Variants in MAX observed in about 807,000 individuals in gnomAD.
MAX encodes protein max.
MAX carries 3 observed loss-of-function variants against 22.3 expected under a neutral mutation model. The observed-to-expected ratio is 0.13, with a 90% CI of 0.06 to 0.35. MAX has a LOEUF of 0.35. Ranked by LOEUF, MAX falls within the 10% of genes least tolerant of loss-of-function variation. The pLI is 1.00. For missense variants in MAX, 119 were observed against 209.4 expected (o/e 0.57, Z 2.66); for synonymous variants, 72 against 77.7 (o/e 0.93, Z 0.39).
chr14:65,052,364 A>G (rs2062635576), intron 3 of MAX, among the ~76,000 whole-genome samples: 1 of 152,308 alleles, frequency 6.6e-6, no homozygotes, highest in Admixed American at 6.5e-5. Context: ...CCATTTACCA[A>G]TTGTTGGGCA....
In MAX at chr14:65,011,233, G is replaced by A. The variant is rs540529007; in HGVS notation, c.172-4949C>T. Among the ~76,000 whole-genome samples, 1 of 152,248 alleles carries A rather than the reference G, an allele frequency of 6.6e-6. No individual in the cohort carries two copies. The highest frequency in any genetic ancestry group is 2.4e-5 in the African/African-American group (1 of 41,538). On this transcript the variant is annotated intron_variant, in intron 3 of 3. Transcript: ENST00000341653. This position sits in a 1 kb window ranked among gnomAD's most constrained non-coding sequence, Gnocchi z 4.0. ...ACCTGAGGTCAGGAGTTCAAGACCA[G>A]CCTGGGCAACATGGTGAAACCCCCG...
intron 3 of MAX, among the ~76,000 whole-genome samples, chr14:65,010,933 A>T (rs2061673839): frequency 6.6e-6 from 1 of 151,978 alleles, no homozygotes; most frequent in Admixed American, 6.6e-5. Flanking sequence ...TTGAATTAAA[A>T]TTTTCTCCTT....
downstream of MAX, among the ~76,000 whole-genome samples, chr14:65,074,876 G>A (rs190902144): frequency 1.9e-4 from 29 of 152,304 alleles, no homozygotes; most frequent in East Asian, 4.4e-3. Flanking sequence ...TGTTGCCACA[G>A]CTAAGGCTAC....
chr14:65,095,435 G>A (rs2063635324), intron 2 of MAX, among the ~76,000 whole-genome samples: 1 of 152,198 alleles, frequency 6.6e-6, no homozygotes, highest in Non-Finnish European at 1.5e-5. Context: ...GTAGAGGTAG[G>A]TACTCTGTAT....
rs760656680 is a variant in MAX, at chr14:65,077,565, A to G, written c.295+348T>C. On this transcript the variant is annotated intron_variant, in intron 4 of 4. Coordinates refer to ENST00000358664, the MANE Select transcript of MAX (RefSeq NM_002382.5). The surrounding 1 kb of genome is among the most constrained non-coding windows in gnomAD (Gnocchi z 6.3). ...CACCTGGAGTCTCTGGTACTTACAC[A>G]GCACATTCCACTCCAAGGACCTCAA... is the stretch of plus-strand genomic sequence containing the variant. The G allele has an allele frequency of 3.3e-6, 3 of 919,838 alleles. No individual in the cohort carries two copies. Among genetic ancestry groups the G allele is most frequent in the Non-Finnish European group, 5.4e-6 (3 of 555,404 alleles). 57.0% of individuals were successfully genotyped at this position (919,838 alleles called of 1,614,324 possible).
chr14:65,015,707 T>C lies in MAX; in HGVS notation c.172-9423A>G, dbSNP rs750753585. On this transcript the variant is annotated intron_variant, in intron 3 of 3. Transcript: ENST00000341653. ...CTAGATGAACCCATCCCCCAGATAG[T>C]GGCTACAGAGTGAGTCTGTCTTTGG... 4.9e-5 allele frequency: 79 copies of C among 1,614,058 alleles called. No homozygotes were observed. In the East Asian group the frequency reaches 1.8e-3, roughly 36 times the overall value.
intron 2 of MAX, among the ~76,000 whole-genome samples, chr14:65,094,959 G>A (rs1314372215): frequency 6.6e-6 from 1 of 152,116 alleles, no homozygotes; most frequent in Non-Finnish European, 1.5e-5. Context: ...TACAAACAGA[G>A]GGCCAGAAAT....
At position 65,054,705 on chromosome 14, in the gene MAX, G is replaced by C. The variant is rs758790306; in HGVS notation, c.171+39003C>G. On this transcript the variant is annotated intron_variant, in intron 3 of 3. Coordinates refer to the MAX transcript ENST00000341653. The surrounding 1 kb of genome is among the most constrained non-coding windows in gnomAD (Gnocchi z 4.4). Reference sequence around the variant, plus strand: ...AAACGCTCTGGTAAGACGGGTGCAGGGCTTCACACCCCTTCTCCACAGGGA... The same window carrying C: ...AAACGCTCTGGTAAGACGGGTGCAGCGCTTCACACCCCTTCTCCACAGGGA... 2 of 1,594,660 alleles carry C rather than the reference G, an allele frequency of 1.3e-6. No homozygotes were observed. The highest frequency in any genetic ancestry group is 2.7e-5 in the African/African-American group (2 of 74,336).
chr14:65,044,174 AG>A lies in MAX; in HGVS notation c.172-37891del. ...TGTGGGGAGGGAAGGAAAGAAAACC[AG>A]AGCACCAAAACTAGAGTGCCAAGAA... On this transcript the variant is annotated intron_variant, in intron 3 of 3. Transcript: ENST00000341653. The surrounding 1 kb of genome is among the most constrained non-coding windows in gnomAD (Gnocchi z 5.5). 6.8e-7 allele frequency: 1 copy of A among 1,474,050 alleles called. No homozygotes were observed. Among genetic ancestry groups the A allele is most frequent in the Non-Finnish European group, 9.3e-7 (1 of 1,075,226 alleles). The allele number at this position is 1,474,050 out of a possible 1,614,324, so 91.3% of individuals were successfully genotyped here.
chr14:65,089,131 G>A lies in MAX; in HGVS notation c.171+4577C>T, dbSNP rs192758256. On this transcript the variant is annotated intron_variant, in intron 3 of 4. Transcript: ENST00000358664. Reference sequence around the variant, plus strand: ...CTTTTAACCTCTACAGCACTCACAAGGTCTTACTTATATAGTTGAGCACAT... The same window carrying A: ...CTTTTAACCTCTACAGCACTCACAAAGTCTTACTTATATAGTTGAGCACAT... 7.2e-4 allele frequency among the ~76,000 whole-genome samples: 109 copies of A among 152,250 alleles called. 1 individual carries two copies. The highest frequency in any genetic ancestry group is 9.1e-4 in the Non-Finnish European group (62 of 67,998).
Position 65,069,105 on chromosome 14 carries a change from C to G in MAX, c.171+24603G>C, listed in dbSNP as rs1595120011. Among the ~76,000 whole-genome samples, 1 of 152,280 alleles carries G rather than the reference C, an allele frequency of 6.6e-6. No individual in the cohort carries two copies. The highest frequency in any genetic ancestry group is 1.9e-4 in the East Asian group (1 of 5,186). On this transcript the variant is annotated intron_variant, in intron 3 of 3. Coordinates refer to the MAX transcript ENST00000341653. The surrounding 1 kb of genome is among the most constrained non-coding windows in gnomAD (Gnocchi z 4.6). ...GTCCATGCTCCTTGCGAGGCTCCAT[C>G]CCCCCAGCCCCTCTCCTCACTCTCT...
rs2061691262 is a variant in MAX, at chr14:65,012,021, T to C, written c.172-5737A>G. 6.6e-6 allele frequency among the ~76,000 whole-genome samples: 1 copy of C among 152,214 alleles called. No homozygotes were observed. Among genetic ancestry groups the C allele is most frequent in the African/African-American group, 2.4e-5 (1 of 41,464 alleles). On this transcript the variant is annotated intron_variant, in intron 3 of 3. Transcript: ENST00000341653. This position sits in a 1 kb window ranked among gnomAD's most constrained non-coding sequence, Gnocchi z 5.0. ...TCTGGGTGGACTGTCATTGCCTGGC[T>C]GCGTGTGCTCATTGCGGCTTTTCCG...
chr14:65,088,770 T>C lies in MAX; in HGVS notation c.171+4938A>G, dbSNP rs900899622. On this transcript the variant is annotated intron_variant, in intron 3 of 4. Transcript: ENST00000358664. This position sits in a 1 kb window ranked among gnomAD's most constrained non-coding sequence, Gnocchi z 5.2. ...TGCCTTCACGGTACTTATTGTAGTG[T>C]AGTGCCAGCAGACAGTCATTTAATA... is the stretch of plus-strand genomic sequence containing the variant. Among the ~76,000 whole-genome samples, 1 of 152,206 alleles carries C rather than the reference T, an allele frequency of 6.6e-6. No homozygotes were observed. Among genetic ancestry groups the C allele is most frequent in the African/African-American group, 2.4e-5 (1 of 41,430 alleles).
At chr14:65,060,833 A>G (rs574712844) in intron 3 of MAX, among the ~76,000 whole-genome samples, 3 of 145,220 alleles carry the variant, frequency 2.1e-5, no homozygotes, top group East Asian at 4.1e-4. Flanking sequence ...AGATCGTGTC[A>G]ATGCACTCCA....
rs1014936316 is a variant in MAX at position 65,093,116 on chromosome 14, G to C, written c.171+592C>G. Among the ~76,000 whole-genome samples, 1 of 152,354 alleles carries C rather than the reference G, an allele frequency of 6.6e-6. No individual in the cohort carries two copies. The highest frequency in any genetic ancestry group is 2.1e-4 in the South Asian group (1 of 4,830). ...CAGGGAAAACACTAGGTTCCAGAAG[G>C]GAGTGGGGAAGAATGGTTATTTTTT... On this transcript the variant is annotated intron_variant, in intron 3 of 4. Coordinates refer to ENST00000358664, the MANE Select transcript of MAX (RefSeq NM_002382.5). This position sits in a 1 kb window ranked among gnomAD's most constrained non-coding sequence, Gnocchi z 4.4.
intron 3 of MAX, among the ~76,000 whole-genome samples, chr14:65,067,587 A>G (rs1295694716): frequency 6.7e-6 from 1 of 149,400 alleles, no homozygotes; most frequent in Non-Finnish European, 1.5e-5. Flanking sequence ...CTCAGGTGGG[A>G]TTTGTTTGAT....
Position 65,012,398 on chromosome 14 carries a change from A to G in MAX, c.172-6114T>C, listed in dbSNP as rs902854653. 7 of 1,614,084 alleles carry G rather than the reference A, an allele frequency of 4.3e-6. No individual in the cohort carries two copies. Among genetic ancestry groups the G allele is most frequent in the Non-Finnish European group, 5.9e-6 (7 of 1,179,924 alleles). The stretch of plus-strand genomic sequence containing the variant: ...TGACAGATGCCTATGAGGTAAACAC[A>G]TTACCCAGGAACTCTTGCTGTCAAA... On this transcript the variant is annotated intron_variant, in intron 3 of 3. Transcript: ENST00000341653. This position sits in a 1 kb window ranked among gnomAD's most constrained non-coding sequence, Gnocchi z 5.0.
intron 3 of MAX, among the ~76,000 whole-genome samples, chr14:65,067,209 A>G (rs1272554319): frequency 6.6e-6 from 1 of 152,090 alleles, no homozygotes; most frequent in Non-Finnish European, 1.5e-5. Flanking sequence ...AGCATTTTAA[A>G]AAATAAACAT....
At position 65,088,976 on chromosome 14, in the gene MAX, C is replaced by A. The variant is rs1376589025; in HGVS notation, c.171+4732G>T. 6.6e-6 allele frequency among the ~76,000 whole-genome samples: 1 copy of A among 152,154 alleles called. No homozygotes were observed. Among genetic ancestry groups the A allele is most frequent in the Non-Finnish European group, 1.5e-5 (1 of 68,020 alleles). ...AAACCAGATTTTAATGGAAATGAAA[C>A]TGAGATTAACTCAATGTAAAGCTCT... On this transcript the variant is annotated intron_variant, in intron 3 of 4. Transcript: ENST00000358664. The surrounding 1 kb of genome is among the most constrained non-coding windows in gnomAD (Gnocchi z 5.2).
Sources: gnomAD v4.1 joint callset for allele counts (sites outside exome capture counted in the v4.1 genomes callset) on GRCh38, gnomAD v4.1.1 for gene constraint, Gnocchi (gnomAD v3.1) non-coding constraint, MANE v1.5 for transcripts, NCBI Gene and HGNC (gene_info 2026-07-23, HGNC 2026-07-21) for gene names.